ZBTB20: variants seen among roughly 807,000 people sequenced by gnomAD.
ZBTB20 encodes the protein zinc finger and BTB domain containing 20.
A neutral mutation model predicts 56.9 loss-of-function variants in ZBTB20; 9 were observed. The observed-to-expected ratio is 0.16, with a 90% confidence interval of 0.10 to 0.28. ZBTB20 has a LOEUF of 0.28. ZBTB20 is among the 10% of genes least tolerant of loss of function. The pLI, the probability that ZBTB20 is intolerant of heterozygous loss-of-function variation, is 1.00. For missense variants in ZBTB20, 655 were observed against 1,003.0 expected (o/e 0.65, Z 4.69); for synonymous variants, 417 against 420.7 (o/e 0.99, Z 0.11).
At chr3:114,610,801 G>C (rs930850128) in intron 6 of ZBTB20, among the ~76,000 whole-genome samples, 1 of 152,044 alleles carries the variant, frequency 6.6e-6, no homozygotes, top group Non-Finnish European at 1.5e-5. Flanking sequence ...AGGAGCTATG[G>C]GTAAGTAAGT....
At chr3:114,743,108 A>C (rs1406147667) in intron 5 of ZBTB20, among the ~76,000 whole-genome samples, 1 of 152,192 alleles carries the variant, frequency 6.6e-6, no homozygotes, top group East Asian at 1.9e-4. Flanking sequence ...TAAGTCCATC[A>C]AAGAGAAACC....
At chr3:114,537,292 GA>G (rs993585862) in intron 6 of ZBTB20, among the ~76,000 whole-genome samples, 7 of 151,786 alleles carry the variant, frequency 4.6e-5, no homozygotes, top group Admixed American at 1.3e-4. Context: ...AAATTTACAA[GA>G]AAAAAACAAA....
chr3:114,444,283 G>GA (rs1203976908), intron 7 of ZBTB20, among the ~76,000 whole-genome samples: 1 of 152,088 alleles, frequency 6.6e-6, no homozygotes, highest in Non-Finnish European at 1.5e-5. Context: ...GATAGAGGGA[G>GA]AAAAAATGTG....
intron 6 of ZBTB20, among the ~76,000 whole-genome samples, chr3:114,517,055 G>A (rs1533742): frequency 0.43 from 66,095 of 152,034 alleles, 16,536 homozygotes; most frequent in African/African-American, 0.69. Flanking sequence ...TGCCTACTAT[G>A]TGCTAGGAAC....
intron 3 of ZBTB20, among the ~76,000 whole-genome samples, chr3:114,926,859 C>T (rs577596678): frequency 1.2e-4 from 18 of 152,278 alleles, no homozygotes; most frequent in Non-Finnish European, 2.4e-4. Context: ...AAACACTATC[C>T]TCCTGAGTAG....
At chr3:114,473,112 A>G (rs147576722) in intron 7 of ZBTB20, among the ~76,000 whole-genome samples, 1 of 152,188 alleles carries the variant, frequency 6.6e-6, no homozygotes, top group Non-Finnish European at 1.5e-5. Context: ...GCACAGACAT[A>G]CTTCAACTGT....
intron 7 of ZBTB20, among the ~76,000 whole-genome samples, chr3:114,444,429 G>A (rs527314842): frequency 1.4e-4 from 22 of 152,252 alleles, no homozygotes; most frequent in African/African-American, 5.1e-4. Context: ...TGCCACATCC[G>A]AGGTGAGGTT....
At chr3:114,547,190 G>A (rs768666466) in intron 6 of ZBTB20, among the ~76,000 whole-genome samples, 9 of 152,152 alleles carry the variant, frequency 5.9e-5, no homozygotes, top group East Asian at 1.9e-4. Flanking sequence ...TGAGGAATTC[G>A]GATTCTAGTC....
At chr3:114,598,850 C>A (rs2056535748) in intron 6 of ZBTB20, among the ~76,000 whole-genome samples, 1 of 152,048 alleles carries the variant, frequency 6.6e-6, no homozygotes, top group Non-Finnish European at 1.5e-5. Flanking sequence ...AACAAACAGC[C>A]TTGTAATTCT....
intron 2 of ZBTB20, among the ~76,000 whole-genome samples, chr3:115,058,798 C>A (rs1039380584): frequency 1.3e-5 from 2 of 152,166 alleles, no homozygotes; most frequent in Non-Finnish European, 2.9e-5. Context: ...TTAGGACTAA[C>A]ATACAGGTTA....
chr3:114,352,038 T>A (rs1217915424), intron 10 of ZBTB20, 160 bp from the exon 11 acceptor site: 19 of 919,060 alleles, frequency 2.1e-5, no homozygotes, highest in Non-Finnish European at 3.0e-5. Flanking sequence ...ATACAAGCTG[T>A]AGGTACGATG....
intron 6 of ZBTB20, chr3:114,658,789 A>C (rs1462204021): frequency 6.6e-6 from 1 of 152,156 alleles, no homozygotes; most frequent in Admixed American, 6.5e-5. Flanking sequence ...TTTCAAATTC[A>C]TTTCTTCTAG....
intron 7 of ZBTB20, among the ~76,000 whole-genome samples, chr3:114,413,917 C>G (rs547784707): frequency 6.6e-6 from 1 of 152,070 alleles, no homozygotes; most frequent in African/African-American, 2.4e-5. Flanking sequence ...TGTTTTCTGC[C>G]CAGTAGCCTG....
chr3:114,468,990 C>A lies in ZBTB20; in HGVS notation c.-255+31362G>T, dbSNP rs1333207852. On this transcript the variant is annotated intron_variant, in intron 7 of 11. Coordinates refer to ENST00000675478, the MANE Select transcript of ZBTB20 (RefSeq NM_001348800.3). ...GGATGCAGATCTAATGTTGTCAGAT[C>A]TCCAATTTTTCAAGAGAAGCAAAAA... Among the ~76,000 whole-genome samples, 10 of 122,764 alleles carry A rather than the reference C, an allele frequency of 8.1e-5. No individual in the cohort carries two copies. The Admixed American group carries it at 9.8e-4, about 12-fold the overall frequency. The allele number at this position is 122,764 out of a possible 152,430, so 80.5% of individuals were successfully genotyped here. A position where few individuals can be genotyped will look rare whatever the true frequency, so the allele number is the denominator to read the frequency against.
intron 11 of ZBTB20, among the ~76,000 whole-genome samples, chr3:114,340,112 G>T (rs941865387): frequency 2.0e-5 from 3 of 152,018 alleles, no homozygotes; most frequent in Non-Finnish European, 2.9e-5. Flanking sequence ...CTGCAGATTG[G>T]CCTCATCGGG....
rs1480646086 is a variant in ZBTB20 at position 114,351,556 on chromosome 3, G to A, written c.522C>T (p.Leu174=). 1 of 1,613,962 alleles carries A rather than the reference G, an allele frequency of 6.2e-7. No individual in the cohort carries two copies. The highest frequency in any genetic ancestry group is 8.5e-7 in the Non-Finnish European group (1 of 1,180,046). Residue 174 remains leucine (L), a synonymous_variant, in exon 11 of 12, where the codon CTC becomes CTT. Transcript: ENST00000675478. ...RVSQSEALQI[L]TAASILQIKT... is the part of the protein sequence containing the mutation. ...TGATCTGCAGGATGCTGGCGGCCGT[G>A]AGGATCTGCAGAGCTTCCGACTGCG...
chr3:114,477,223 C>T (rs755365677), intron 7 of ZBTB20, among the ~76,000 whole-genome samples: 2 of 152,106 alleles, frequency 1.3e-5, no homozygotes, highest in African/African-American at 2.4e-5. Context: ...TTCAAAGATA[C>T]GACCACTGCT....
intron 2 of ZBTB20, among the ~76,000 whole-genome samples, chr3:115,030,505 T>C (rs1251412429): frequency 6.6e-6 from 1 of 151,276 alleles, no homozygotes; most frequent in Non-Finnish European, 1.5e-5. Flanking sequence ...TATCTGTCAA[T>C]TAGTACACAT....
intron 7 of ZBTB20, among the ~76,000 whole-genome samples, chr3:114,445,882 A>T (rs916985742): frequency 6.6e-6 from 1 of 152,248 alleles, no homozygotes; most frequent in South Asian, 2.1e-4. Context: ...GAAATATTAA[A>T]TCTGTTCTAT....
Sources: allele counts gnomAD v4.1 joint callset (sites outside exome capture counted in the v4.1 genomes callset), GRCh38; gene constraint gnomAD v4.1.1; transcripts MANE v1.5; gene names NCBI Gene and HGNC (gene_info 2026-07-23, HGNC 2026-07-21).